The following NHLRC2 variants were observed in gnomAD, a reference collection of about 807,000 sequenced individuals.
The protein encoded by NHLRC2 is NHL repeat containing 2.
Under a neutral mutation model 68.1 loss-of-function variants are expected in NHLRC2, and 33 were observed. The observed-to-expected ratio is 0.48, with a 90% CI of 0.37 to 0.65. The LOEUF is 0.65. Ranked by LOEUF, NHLRC2 falls within the 30% of genes least tolerant of loss-of-function variation. NHLRC2 has a pLI of 0.00. For synonymous variants in NHLRC2, 311 were observed against 309.6 expected (o/e 1.00, Z -0.05); for missense variants, 761 against 853.8 (o/e 0.89, Z 1.35).
rs955845054 is a variant in NHLRC2, at chr10:113,909,648, T to A, written c.*1112T>A. On this transcript the variant is annotated 3_prime_UTR_variant, in exon 11 of 11. Transcript: ENST00000369301. ...ACAGTGATTTAATGATACTATTTTT[T>A]AATTTTTGTTGTTTTTTATCCCTAA... The A allele has an allele frequency of 6.6e-6, 1 of 152,142 alleles. No homozygotes were observed. The highest frequency in any genetic ancestry group is 2.4e-5 in the African/African-American group (1 of 41,452). The allele number at this position is 152,142 out of a possible 1,614,324, so 9.4% of individuals were successfully genotyped here.
chr10:113,872,010 C>T (rs11196535), intron 2 of NHLRC2, among the ~76,000 whole-genome samples: 59,531 of 152,002 alleles, frequency 0.39, 13,575 homozygotes, highest in Middle Eastern at 0.54. Flanking sequence ...ATTTAGACAA[C>T]GCACAAACAG....
In NHLRC2 at chr10:113,915,637, CA is replaced by C. The variant is rs1453722719; in HGVS notation, c.*7102del. The C allele has an allele frequency of 4.2e-6, 1 of 236,494 alleles. No individual in the cohort carries two copies. Among genetic ancestry groups the C allele is most frequent in the Non-Finnish European group, 8.3e-6 (1 of 120,836 alleles). The allele number at this position is 236,494 out of a possible 1,614,324, so 14.6% of individuals were successfully genotyped here. On this transcript the variant is annotated 3_prime_UTR_variant, in exon 11 of 11. Coordinates refer to ENST00000369301, the MANE Select transcript of NHLRC2 (RefSeq NM_198514.4). ...TTAAAATAGTTTTTTTTTCCCTTCC[CA>C]TTTTTTTGTTTTTAAGAGATAGGGT...
chr10:113,908,423 A>G lies in NHLRC2; in HGVS notation c.2068A>G (p.Ser690Gly), dbSNP rs756123401. The change falls in exon 11 of 11, where the codon AGT becomes GGT. Residue 690 changes from serine to glycine, a missense_variant. Transcript: ENST00000369301. ...TGTCAGTGTGTTTCTTTATTACTGT[A>G]GTGCAGACAGCAGTGCTTGTATGAT... ...VSVSVFLYYCSADSSACMMKA... is the reference protein window; with the variant it reads ...VSVSVFLYYCGADSSACMMKA... The G allele has an allele frequency of 6.2e-7, 1 of 1,613,990 alleles. No individual in the cohort carries two copies. Among genetic ancestry groups the G allele is most frequent in the Non-Finnish European group, 8.5e-7 (1 of 1,179,884 alleles).
chr10:113,914,819 C>T lies in NHLRC2; in HGVS notation c.*6283C>T. 1 of 340,376 alleles carries T rather than the reference C, an allele frequency of 2.9e-6. No homozygotes were observed. Among genetic ancestry groups the T allele is most frequent in the Non-Finnish European group, 5.8e-6 (1 of 172,782 alleles). The allele number at this position is 340,376 out of a possible 1,614,324, so 21.1% of individuals were successfully genotyped here. On this transcript the variant is annotated 3_prime_UTR_variant, in exon 11 of 11. Transcript: ENST00000369301. Reference sequence around the variant, plus strand: ...GAATAATTAAGAGTTTGCTTTTTTCCCATGTCTTTGCAATAGGATAATATA... The same window carrying T: ...GAATAATTAAGAGTTTGCTTTTTTCTCATGTCTTTGCAATAGGATAATATA...
chr10:113,862,244 T>C (rs1292596334), intron 2 of NHLRC2, among the ~76,000 whole-genome samples: 1 of 152,104 alleles, frequency 6.6e-6, no homozygotes, highest in Non-Finnish European at 1.5e-5. Context: ...TTTGGAGATA[T>C]AATGTACAAA....
intron 2 of NHLRC2, among the ~76,000 whole-genome samples, chr10:113,860,082 C>T (rs1845801412): frequency 6.6e-6 from 1 of 152,188 alleles, no homozygotes; most frequent in Non-Finnish European, 1.5e-5. Flanking sequence ...GTTAGGAGCA[C>T]ATTGTGAAAT....
At chr10:113,883,322 AATG>A (rs1415316927) in intron 4 of NHLRC2, among the ~76,000 whole-genome samples, 1 of 151,850 alleles carries the variant, frequency 6.6e-6, no homozygotes, top group Non-Finnish European at 1.5e-5. Flanking sequence ...AAGCATTAGC[AATG>A]ATGGTGGGTA....
Position 113,876,810 on chromosome 10 carries a change from T to C in NHLRC2, c.621T>C (p.Asn207=), listed in dbSNP as rs1428875929. Residue 207 remains asparagine (N), a synonymous_variant, in exon 3 of 11, where the codon AAT becomes AAC. Coordinates refer to ENST00000369301, the MANE Select transcript of NHLRC2 (RefSeq NM_198514.4). ...AAGACAGGGGGCAGATCAGAGATAA[T>C]AAAATTGGAATAAAACTCTATAAAG... The part of the protein sequence containing the change: ...YYKDRGQIRD[N]KIGIKLYKDS... The C allele has an allele frequency of 1.9e-6, 3 of 1,612,886 alleles. No individual in the cohort carries two copies. In the East Asian group the frequency reaches 6.7e-5, roughly 36 times the overall value.
At chr10:113,908,203 TTATC>T in intron 10 of NHLRC2, 73 bp from the exon 11 acceptor site, 1 of 1,097,830 alleles carries the variant, frequency 9.1e-7, no homozygotes, top group Admixed American at 2.0e-5. Context: ...TCGATCGAGT[TTATC>T]TAGTCTTCAT....
At chr10:113,860,205 T>G (rs1478170959) in intron 2 of NHLRC2, among the ~76,000 whole-genome samples, 2 of 152,160 alleles carry the variant, frequency 1.3e-5, no homozygotes, top group Non-Finnish European at 2.9e-5. Context: ...TGTTTTAGAA[T>G]GGCATTACAC....
chr10:113,906,963 G>C (rs1192915504), intron 10 of NHLRC2, among the ~76,000 whole-genome samples: 2 of 152,166 alleles, frequency 1.3e-5, no homozygotes, highest in Non-Finnish European at 2.9e-5. Context: ...CTCTAGCCTG[G>C]GTGACAGAGC....
Position 113,879,573 on chromosome 10 carries a change from G to A in NHLRC2, c.788-1G>A, listed in dbSNP as rs765102388. On this transcript the variant is annotated splice_acceptor_variant, in intron 3 of 10. Coordinates refer to ENST00000369301, the MANE Select transcript of NHLRC2 (RefSeq NM_198514.4). LOFTEE classifies it high-confidence loss of function. ...AAGTGGCAAATTTTATCTTATTTTA[G>A]GACCCAACCCTGGAAGAAAAGATGG... is the stretch of plus-strand genomic sequence containing the variant. 1 of 1,595,860 alleles carries A rather than the reference G, an allele frequency of 6.3e-7. No homozygotes were observed. The highest frequency in any genetic ancestry group is 8.5e-7 in the Non-Finnish European group (1 of 1,172,556).
intron 4 of NHLRC2, among the ~76,000 whole-genome samples, chr10:113,883,045 C>A (rs1380324253): frequency 2.6e-5 from 4 of 151,730 alleles, no homozygotes; most frequent in Non-Finnish European, 4.4e-5. Flanking sequence ...TATGCCAGTA[C>A]CTTACTGTTT....
At chr10:113,894,045 G>A (rs533495156) in intron 5 of NHLRC2, among the ~76,000 whole-genome samples, 230 of 152,290 alleles carry the variant, frequency 1.5e-3, no homozygotes, top group Non-Finnish European at 2.6e-3. Flanking sequence ...AGGTCAAGGT[G>A]GAGGTGGTGA....
At chr10:113,878,653 A>T (rs1589540586) in intron 3 of NHLRC2, among the ~76,000 whole-genome samples, 1 of 152,022 alleles carries the variant, frequency 6.6e-6, no homozygotes, top group Non-Finnish European at 1.5e-5. Flanking sequence ...TCAGCCTTCC[A>T]AGTAGCTGGG....
intron 5 of NHLRC2, among the ~76,000 whole-genome samples, chr10:113,892,010 G>A (rs914163186): frequency 6.6e-6 from 1 of 152,122 alleles, no homozygotes; most frequent in Non-Finnish European, 1.5e-5. Context: ...GCTGTAAATG[G>A]TATTTTCCTG....
intron 6 of NHLRC2, 107 bp downstream of exon 6, chr10:113,898,316 G>T (rs1316330339): frequency 6.1e-6 from 4 of 659,542 alleles, no homozygotes; most frequent in African/African-American, 5.4e-5. Flanking sequence ...GTGCTAGGTT[G>T]TACTGCCATA....
intron 3 of NHLRC2, among the ~76,000 whole-genome samples, chr10:113,878,760 C>G (rs1426381137): frequency 6.6e-6 from 1 of 152,118 alleles, no homozygotes; most frequent in Non-Finnish European, 1.5e-5. Context: ...AACCCTTGAC[C>G]TCAAGTGATC....
Position 113,915,268 on chromosome 10 carries a change from A to T in NHLRC2, c.*6732A>T. The T allele has an allele frequency of 2.2e-6, 1 of 456,108 alleles. No homozygotes were observed. The highest frequency in any genetic ancestry group is 1.5e-5 in the South Asian group (1 of 64,528). The allele number at this position is 456,108 out of a possible 1,614,324, so 28.3% of individuals were successfully genotyped here. A position where few individuals can be genotyped will look rare whatever the true frequency, so the allele number is the denominator to read the frequency against. On this transcript the variant is annotated 3_prime_UTR_variant, in exon 11 of 11. Coordinates refer to ENST00000369301, the MANE Select transcript of NHLRC2 (RefSeq NM_198514.4). ...TTTGCAAACATACTTCCCTACCTGT[A>T]CAAGCAGCCATATACTAAAAAGCAC... is the stretch of plus-strand genomic sequence containing the variant.
Sources: gnomAD v4.1 joint callset for allele counts (sites outside exome capture counted in the v4.1 genomes callset) on GRCh38, gnomAD v4.1.1 for gene constraint, MANE v1.5 for transcripts, NCBI Gene and HGNC (gene_info 2026-07-23, HGNC 2026-07-21) for gene names.